The following SDC2 variants were observed in gnomAD, a reference collection of about 807,000 sequenced individuals.
SDC2 encodes the protein syndecan 2.
In SDC2, 13 loss-of-function variants were observed where a neutral mutation model predicts 22.2. The observed-to-expected ratio is 0.59, with a 90% CI of 0.38 to 0.93. SDC2 has a LOEUF of 0.93. Among genes scored for constraint, SDC2 ranks in the 40% least tolerant of loss-of-function variants. The pLI, the probability that SDC2 is intolerant of heterozygous loss-of-function variation, is 0.00. For synonymous variants in SDC2, 94 were observed against 92.8 expected (o/e 1.01, Z -0.07); for missense variants, 235 against 246.8 (o/e 0.95, Z 0.32).
At position 96,532,458 on chromosome 8, in the gene SDC2, AAAAG is replaced by A. The variant is rs1168993030; in HGVS notation, c.60+38135_60+38138del. Among the ~76,000 whole-genome samples, 80 of 140,776 alleles carry A rather than the reference AAAAG, an allele frequency of 5.7e-4. 1 individual carries two copies. Among genetic ancestry groups the A allele is most frequent in the Admixed American group, 2.6e-3 (37 of 14,364 alleles). The allele number at this position is 140,776 out of a possible 152,430, so 92.4% of individuals were successfully genotyped here. ...TTTGGTAGGGCTTTGTTTGGGAAAA[AAAAG>A]AAAGAAAATCTACCTCCAGGGACAT... On this transcript the variant is annotated intron_variant, in intron 1 of 4. Coordinates refer to ENST00000302190, the MANE Select transcript of SDC2 (RefSeq NM_002998.4).
intron 2 of SDC2, among the ~76,000 whole-genome samples, chr8:96,597,567 G>C (rs1253974448): frequency 6.6e-6 from 1 of 152,126 alleles, no homozygotes; most frequent in East Asian, 1.9e-4. Flanking sequence ...ATTGGGAGAG[G>C]ACAGCCACTT....
intron 1 of SDC2, among the ~76,000 whole-genome samples, chr8:96,590,082 C>T: frequency 6.6e-6 from 1 of 152,236 alleles, no homozygotes; most frequent in East Asian, 1.9e-4. Flanking sequence ...AACCCTCTAT[C>T]TGTCTGCCGC....
At chr8:96,608,851 A>G (rs1815129271) in intron 4 of SDC2, among the ~76,000 whole-genome samples, 1 of 152,228 alleles carries the variant, frequency 6.6e-6, no homozygotes, top group Non-Finnish European at 1.5e-5. Flanking sequence ...GGCAGTTCAT[A>G]TAAGTACTGC....
At chr8:96,557,951 A>G (rs1280811396) in intron 1 of SDC2, among the ~76,000 whole-genome samples, 1 of 152,166 alleles carries the variant, frequency 6.6e-6, no homozygotes, top group Admixed American at 6.5e-5. Context: ...CAGTGCGTTA[A>G]ACTTATCCTG....
At chr8:96,552,528 A>G (rs181259282) in intron 1 of SDC2, among the ~76,000 whole-genome samples, 1 of 152,334 alleles carries the variant, frequency 6.6e-6, no homozygotes, top group Non-Finnish European at 1.5e-5. Context: ...TGATCAGTTC[A>G]ATACATTTGA....
chr8:96,532,205 C>A (rs73273548), intron 1 of SDC2, among the ~76,000 whole-genome samples: 4,189 of 152,138 alleles, frequency 0.028, 191 homozygotes, highest in African/African-American at 0.096. Flanking sequence ...GAATGTGGGC[C>A]GTTTTCATCA....
In SDC2 at chr8:96,521,572, C is replaced by T. The variant is rs188305481; in HGVS notation, c.60+27241C>T. ...GTGTTGTAAGAAAAGTGTGTGAGGT[C>T]TTTGAGCCTAAGGCTGTCCAGGTAA... is the stretch of plus-strand genomic sequence containing the variant. On this transcript the variant is annotated intron_variant, in intron 1 of 4. Transcript: ENST00000302190. Among the ~76,000 whole-genome samples the T allele has an allele frequency of 7.9e-5, 12 of 152,244 alleles. No individual in the cohort carries two copies. In the East Asian group the frequency reaches 1.7e-3, roughly 22 times the overall value.
At chr8:96,607,208 G>A (rs1166873769) in intron 3 of SDC2, among the ~76,000 whole-genome samples, 1 of 151,164 alleles carries the variant, frequency 6.6e-6, no homozygotes, top group Admixed American at 6.6e-5. Flanking sequence ...AAGAGGTGGT[G>A]GAAATGACCT....
chr8:96,507,305 G>T (rs1175939177), intron 1 of SDC2, among the ~76,000 whole-genome samples: 1 of 152,172 alleles, frequency 6.6e-6, no homozygotes, highest in Non-Finnish European at 1.5e-5. Flanking sequence ...CCACATTAAT[G>T]ATTAGCACCT....
At chr8:96,577,801 C>G (rs1171605296) in intron 1 of SDC2, among the ~76,000 whole-genome samples, 1 of 152,202 alleles carries the variant, frequency 6.6e-6, no homozygotes, top group Non-Finnish European at 1.5e-5. Flanking sequence ...GTAGTTATGC[C>G]TTTCCAACAT....
chr8:96,534,110 G>T (rs922945094), intron 1 of SDC2, among the ~76,000 whole-genome samples: 3 of 152,222 alleles, frequency 2.0e-5, no homozygotes, highest in African/African-American at 7.2e-5. Flanking sequence ...AGAGTGCGGG[G>T]CCTGCCGAGC....
intron 1 of SDC2, among the ~76,000 whole-genome samples, chr8:96,569,973 C>A (rs933906098): frequency 1.3e-5 from 2 of 152,180 alleles, no homozygotes; most frequent in African/African-American, 4.8e-5. Context: ...TTGAAGCAGT[C>A]CAGAGTCACC....
chr8:96,542,335 A>G (rs1813864009), intron 1 of SDC2, among the ~76,000 whole-genome samples: 1 of 152,176 alleles, frequency 6.6e-6, no homozygotes, highest in Non-Finnish European at 1.5e-5. Flanking sequence ...TTGGACTATA[A>G]ATTCAGAGAA....
chr8:96,563,693 C>A (rs539246118), intron 1 of SDC2, among the ~76,000 whole-genome samples: 30 of 152,214 alleles, frequency 2.0e-4, no homozygotes, highest in African/African-American at 6.0e-4. Context: ...AATTCTAATA[C>A]GTTTTGGTTA....
In SDC2 at chr8:96,494,168, T is replaced by C; in HGVS notation, c.-104T>C. 2 of 1,246,496 alleles carry C rather than the reference T, an allele frequency of 1.6e-6. No homozygotes were observed. Among genetic ancestry groups the C allele is most frequent in the East Asian group, 2.7e-5 (1 of 37,610 alleles). 77.2% of individuals were successfully genotyped at this position (1,246,496 alleles called of 1,614,324 possible). A position where few individuals can be genotyped will look rare whatever the true frequency, so the allele number is the denominator to read the frequency against. ...GCCTGAGCCGCAATCGCTGCGGTAC[T>C]CTGCTCCGGATTCGTGTGCGCGGGC... On this transcript the variant is annotated 5_prime_UTR_variant, in exon 1 of 5. Coordinates refer to ENST00000302190, the MANE Select transcript of SDC2 (RefSeq NM_002998.4).
At chr8:96,563,086 G>A (rs559295519) in intron 1 of SDC2, among the ~76,000 whole-genome samples, 2 of 152,152 alleles carry the variant, frequency 1.3e-5, no homozygotes, top group African/African-American at 2.4e-5. Context: ...CTTGACACAC[G>A]CTGTCCGTAT....
At chr8:96,496,078 T>TA (rs1377988559) in intron 1 of SDC2, among the ~76,000 whole-genome samples, 2 of 152,192 alleles carry the variant, frequency 1.3e-5, no homozygotes, top group Non-Finnish European at 2.9e-5. Context: ...AGAGCCTGCC[T>TA]AAAAAACTGC....
chr8:96,498,247 C>A (rs1220251224), intron 1 of SDC2, among the ~76,000 whole-genome samples: 2 of 152,156 alleles, frequency 1.3e-5, no homozygotes, highest in Non-Finnish European at 2.9e-5. Flanking sequence ...CCCCTGCCTT[C>A]TTGGAGCTTG....
rs1047947547 is a variant in SDC2 at position 96,611,774 on chromosome 8, CATT to C, written c.*2227_*2229del. On this transcript the variant is annotated 3_prime_UTR_variant, in exon 5 of 5. Transcript: ENST00000302190. ...AAAGTCTGTCATGCCAAAAGTAAAT[CATT>C]GTATAGACTGACATCCAGTTTTCTT... The C allele has an allele frequency of 2.0e-5, 3 of 151,546 alleles. No homozygotes were observed. Among genetic ancestry groups the C allele is most frequent in the Non-Finnish European group, 4.4e-5 (3 of 67,892 alleles). 9.4% of individuals were successfully genotyped at this position (151,546 alleles called of 1,614,324 possible). A position where few individuals can be genotyped will look rare whatever the true frequency, so the allele number is the denominator to read the frequency against.
Sources: gnomAD v4.1 joint callset for allele counts (sites outside exome capture counted in the v4.1 genomes callset) on GRCh38, gnomAD v4.1.1 for gene constraint, MANE v1.5 for transcripts, NCBI Gene and HGNC (gene_info 2026-07-23, HGNC 2026-07-21) for gene names.